NICOL1: variants seen among roughly 807,000 people sequenced by gnomAD.
NICOL1 encodes NELL2-interacting cell ontogeny regulator 1.
At chr4:2,042,657 T>C in the NICOL1 span, 3 of 794,076 alleles carry the variant, frequency 3.8e-6, no homozygotes, top group South Asian at 5.7e-5. Flanking sequence ...TGGCACTGGG[T>C]GGACGGGCCC....
the NICOL1 span, chr4:2,043,738 C>G: frequency 5.5e-6 from 4 of 729,556 alleles, no homozygotes; most frequent in Admixed American, 5.7e-5. Context: ...GGGGTTAGAG[C>G]CAGGGCCTGA....
chr4:2,042,101 G>C, the NICOL1 span: 5 of 1,484,088 alleles, frequency 3.4e-6, no homozygotes, highest in Non-Finnish European at 4.4e-6. Context: ...CCGAATGGGC[G>C]TTTTCTAGAT....
the NICOL1 span, among the ~76,000 whole-genome samples, chr4:2,038,238 T>TAC: frequency 0.017 from 127 of 7,556 alleles, no homozygotes; most frequent in Non-Finnish European, 0.027. Context: ...GATCAGTGTG[T>TAC]ATATATATAT....
At chr4:2,042,265 G>C in the NICOL1 span, 2 of 886,746 alleles carry the variant, frequency 2.3e-6, no homozygotes, top group Non-Finnish European at 3.1e-6. Context: ...CGCGGGAGGG[G>C]ACGGGGGCTC....
At chr4:2,037,661 G>A in the NICOL1 span, among the ~76,000 whole-genome samples, 1 of 151,868 alleles carries the variant, frequency 6.6e-6, no homozygotes, top group Non-Finnish European at 1.5e-5. Context: ...AAATAAATTA[G>A]GTAAATGTAA....
the NICOL1 span, among the ~76,000 whole-genome samples, chr4:2,037,376 G>C: frequency 6.6e-6 from 1 of 152,216 alleles, no homozygotes; most frequent in African/African-American, 2.4e-5. Context: ...TTGCAGGCTT[G>C]AGCCACTGCG....
At chr4:2,038,562 C>A in the NICOL1 span, among the ~76,000 whole-genome samples, 1 of 152,002 alleles carries the variant, frequency 6.6e-6, no homozygotes, top group South Asian at 2.1e-4. Flanking sequence ...TAAGCACAAG[C>A]CACTGTGCCT....
the NICOL1 span, among the ~76,000 whole-genome samples, chr4:2,038,281 A>ATATG: frequency 7.4e-6 from 1 of 135,170 alleles, no homozygotes; most frequent in African/African-American, 2.7e-5. Flanking sequence ...ATATATATAT[A>ATATG]TATAAAATTA....
At chr4:2,042,502 G>A in the NICOL1 span, 2 of 414,784 alleles carry the variant, frequency 4.8e-6, no homozygotes, top group Non-Finnish European at 4.2e-6. Context: ...CCGGGGGCCG[G>A]GTTCCGGGGA....
At chr4:2,042,262 G>T in the NICOL1 span, 20 of 1,094,252 alleles carry the variant, frequency 1.8e-5, no homozygotes, top group Non-Finnish European at 2.3e-5. Context: ...GCCCGCGGGA[G>T]GGGACGGGGG....
chr4:2,042,241 A>T, the NICOL1 span: 2 of 706,318 alleles, frequency 2.8e-6, no homozygotes, highest in Non-Finnish European at 3.7e-6. Context: ...GGCTTGGACA[A>T]GGGTCGTGGG....
At chr4:2,037,037 G>A in the NICOL1 span, among the ~76,000 whole-genome samples, 8 of 152,204 alleles carry the variant, frequency 5.3e-5, no homozygotes, top group South Asian at 2.1e-4. Context: ...CACGGAGGCC[G>A]ACTTCCCCTT....
At chr4:2,042,068 G>C in the NICOL1 span, 5 of 1,483,190 alleles carry the variant, frequency 3.4e-6, no homozygotes, top group Non-Finnish European at 4.4e-6. Context: ...CCTGAACCGC[G>C]GTAAGGGCGG....
chr4:2,041,977 G>T, the NICOL1 span: 4 of 1,452,644 alleles, frequency 2.8e-6, no homozygotes, highest in African/African-American at 4.5e-5. Flanking sequence ...GAACCCGGGC[G>T]GGGTCGGGTC....
chr4:2,036,820 G>A, the NICOL1 span, among the ~76,000 whole-genome samples: 4 of 152,162 alleles, frequency 2.6e-5, no homozygotes, highest in African/African-American at 9.7e-5. Flanking sequence ...ACACGGCTAT[G>A]GGGAGTGAGT....
the NICOL1 span, among the ~76,000 whole-genome samples, chr4:2,039,707 G>T: frequency 3.3e-5 from 5 of 152,014 alleles, no homozygotes; most frequent in African/African-American, 1.2e-4. Context: ...GGGTGTGGTG[G>T]CACGCACCTG....
At chr4:2,041,855 G>T in the NICOL1 span, 6 of 898,036 alleles carry the variant, frequency 6.7e-6, no homozygotes, top group Non-Finnish European at 9.3e-6. Context: ...CGCTGCTCCC[G>T]GGGGCAGCCC....
chr4:2,042,793 T>C, the NICOL1 span: 1 of 1,516,012 alleles, frequency 6.6e-7, no homozygotes, highest in Non-Finnish European at 8.8e-7. Context: ...CTGCAGGACC[T>C]GCGGAAGACA....
chr4:2,042,381 G>T, the NICOL1 span: 42 of 516,448 alleles, frequency 8.1e-5, no homozygotes, highest in Non-Finnish European at 1.4e-4. Flanking sequence ...GCCGGTCCCC[G>T]ATGTCACCGC....
Sources: allele counts gnomAD v4.1 joint callset (sites outside exome capture counted in the v4.1 genomes callset), GRCh38; gene constraint gnomAD v4.1.1; transcripts MANE v1.5; gene names NCBI Gene and HGNC (gene_info 2026-07-23, HGNC 2026-07-21).